The following AQP9 variants were observed in gnomAD, a reference collection of about 807,000 sequenced individuals.
The protein encoded by AQP9 is aquaporin 9, also known as aquaporin-9.
In AQP9, 19 loss-of-function variants were observed where a neutral mutation model predicts 23.8. The observed-to-expected ratio is 0.80, with a 90% CI of 0.56 to 1.17. The LOEUF (loss-of-function observed/expected upper bound fraction) is 1.17. Among genes scored for constraint, AQP9 ranks in the 50% most tolerant of loss-of-function variants. The pLI, the probability that AQP9 is intolerant of heterozygous loss-of-function variation, is 0.00. For synonymous variants in AQP9, 153 were observed against 131.5 expected, an observed-to-expected ratio of 1.16 and a Z score of -1.12; for missense variants, 413 against 362.0, an observed-to-expected ratio of 1.14 and a Z score of -1.14.
intron 1 of AQP9, among the ~76,000 whole-genome samples, chr15:58,147,125 GC>G (rs1177139861): frequency 6.6e-6 from 1 of 152,136 alleles, no homozygotes; most frequent in Non-Finnish European, 1.5e-5. Flanking sequence ...ACTTGATTCT[GC>G]CAAACAGGAT....
At position 58,184,323 on chromosome 15, in the gene AQP9, C is replaced by A. The variant is rs1250963784; in HGVS notation, c.*188C>A. 3 of 560,540 alleles carry A rather than the reference C, an allele frequency of 5.4e-6. No homozygotes were observed. Among genetic ancestry groups the A allele is most frequent in the African/African-American group, 3.8e-5 (2 of 52,212 alleles). 34.7% of individuals were successfully genotyped at this position (560,540 alleles called of 1,614,324 possible). On this transcript the variant is annotated 3_prime_UTR_variant, in exon 6 of 6. Transcript: ENST00000219919. ...ACAATGACCACTTCTCTACCATTGTCCCCCACCCCCACCCCCCAGAATAAC... is the reference window on the plus strand; with the variant it reads ...ACAATGACCACTTCTCTACCATTGTACCCCACCCCCACCCCCCAGAATAAC...
In AQP9 at chr15:58,173,215, G is replaced by C. The variant is rs772870098; in HGVS notation, c.376+10G>C. ...TTTGGCATTTACTATGGTGAGTAAA[G>C]TCCCTGAGTCCTAAGGTTAGGAAGA... On this transcript the variant is annotated intron_variant, in intron 3 of 5. Transcript: ENST00000219919. 6.2e-7 allele frequency: 1 copy of C among 1,614,068 alleles called. No homozygotes were observed. The highest frequency in any genetic ancestry group is 8.5e-7 in the Non-Finnish European group (1 of 1,179,986).
chr15:58,139,744 A>C (rs1897919077), intron 1 of AQP9, among the ~76,000 whole-genome samples: 1 of 152,220 alleles, frequency 6.6e-6, no homozygotes, highest in Non-Finnish European at 1.5e-5. Flanking sequence ...TGGAATGTGA[A>C]GAGAGAGTCA....
chr15:58,164,510 A>G (rs1363358515), intron 1 of AQP9, among the ~76,000 whole-genome samples: 1 of 152,226 alleles, frequency 6.6e-6, no homozygotes, highest in Non-Finnish European at 1.5e-5. Flanking sequence ...TTTTAATTCC[A>G]ACAGTTATTA....
In AQP9 at chr15:58,184,442, T is replaced by C. The variant is rs1898970138; in HGVS notation, c.*307T>C. On this transcript the variant is annotated 3_prime_UTR_variant, in exon 6 of 6. Coordinates refer to ENST00000219919, the MANE Select transcript of AQP9 (RefSeq NM_020980.5). ...AGGTAAGCACTAATAACTCGGCATCTTGACGATAGTCCCATTTGGGTGGTT... is the reference window on the plus strand; with the variant it reads ...AGGTAAGCACTAATAACTCGGCATCCTGACGATAGTCCCATTTGGGTGGTT... 3.8e-6 allele frequency: 1 copy of C among 259,742 alleles called. No homozygotes were observed. The highest frequency in any genetic ancestry group is 2.2e-5 in the African/African-American group (1 of 45,190). 16.1% of individuals were successfully genotyped at this position (259,742 alleles called of 1,614,324 possible).
intron 1 of AQP9, chr15:58,152,585 G>T (rs1037941050): frequency 1.1e-4 from 17 of 152,098 alleles, no homozygotes; most frequent in Admixed American, 7.9e-4. Context: ...TACTGAGAAA[G>T]TATGCAAGAA....
At chr15:58,179,973 G>A (rs975909588) in intron 5 of AQP9, among the ~76,000 whole-genome samples, 48 of 152,200 alleles carry the variant, frequency 3.2e-4, no homozygotes, top group African/African-American at 1.1e-3. Context: ...ACTTGGTTCT[G>A]GAGATATGAG....
chr15:58,175,649 G>A (rs1305093436), intron 4 of AQP9, among the ~76,000 whole-genome samples: 1 of 152,164 alleles, frequency 6.6e-6, no homozygotes, highest in Admixed American at 6.5e-5. Context: ...GTCCCAAGAA[G>A]GCTGCTGGTT....
chr15:58,176,236 G>A (rs1898751034), intron 4 of AQP9, among the ~76,000 whole-genome samples: 1 of 152,180 alleles, frequency 6.6e-6, no homozygotes, highest in African/African-American at 2.4e-5. Context: ...TAATTAGACA[G>A]AGCTGGGCAC....
intron 1 of AQP9, among the ~76,000 whole-genome samples, chr15:58,140,777 C>G (rs146037755): frequency 6.6e-6 from 1 of 151,976 alleles, no homozygotes; most frequent in African/African-American, 2.4e-5. Context: ...GTTTTTTTTC[C>G]GCCAACCTTG....
Position 58,175,771 on chromosome 15 carries a change from T to C in AQP9, c.495+735T>C, listed in dbSNP as rs184241512. On this transcript the variant is annotated intron_variant, in intron 4 of 5. Coordinates refer to ENST00000219919, the MANE Select transcript of AQP9 (RefSeq NM_020980.5). ...GATCAGAATGGGCATGTGTATAAAA[T>C]GGATCTTCCAGTTCATCAGCTATGC... 3.6e-3 allele frequency among the ~76,000 whole-genome samples: 553 copies of C among 152,346 alleles called. 5 individuals are homozygous for C. The highest frequency in any genetic ancestry group is 0.013 in the African/African-American group (527 of 41,582).
intron 2 of AQP9, among the ~76,000 whole-genome samples, chr15:58,167,490 A>G (rs1184463676): frequency 6.6e-6 from 1 of 152,218 alleles, no homozygotes; most frequent in African/African-American, 2.4e-5. Context: ...GAAACCATGC[A>G]TGCTGAGCAC....
At chr15:58,176,944 A>C (rs1472280327) in intron 4 of AQP9, among the ~76,000 whole-genome samples, 1 of 152,108 alleles carries the variant, frequency 6.6e-6, no homozygotes, top group Middle Eastern at 3.2e-3. Flanking sequence ...TCTCAGAGTG[A>C]GTTGGCAATT....
At chr15:58,149,452 A>G (rs1246207993) in intron 1 of AQP9, among the ~76,000 whole-genome samples, 2 of 152,200 alleles carry the variant, frequency 1.3e-5, no homozygotes, top group African/African-American at 4.8e-5. Context: ...GGAATGTGAG[A>G]GCAATTCTTT....
chr15:58,176,029 C>T (rs1279935408), intron 4 of AQP9, among the ~76,000 whole-genome samples: 2 of 152,152 alleles, frequency 1.3e-5, no homozygotes, highest in African/African-American at 4.8e-5. Context: ...CAACTTCCTG[C>T]GTGGCTTCAG....
At position 58,179,155 on chromosome 15, in the gene AQP9, A is replaced by T; in HGVS notation, c.523A>T (p.Ile175Phe). The T allele has an allele frequency of 3.1e-6, 5 of 1,613,504 alleles. No individual in the cohort carries two copies. The highest frequency in any genetic ancestry group is 4.2e-6 in the Non-Finnish European group (5 of 1,179,412). The change falls in exon 5 of 6, where the codon ATC becomes TTC. Residue 175 changes from isoleucine (I) to phenylalanine (F), a missense_variant. Coordinates refer to ENST00000219919, the MANE Select transcript of AQP9 (RefSeq NM_020980.5). ...GGTGGCCACCATGATACTCCTCATA[A>T]TCGTCTTTGCCATCTTTGACTCCAG... ...QVVATMILLI[I>F]VFAIFDSRNL... is the part of the protein sequence containing the mutation.
At chr15:58,141,846 T>C (rs1897957692) in intron 1 of AQP9, among the ~76,000 whole-genome samples, 1 of 152,220 alleles carries the variant, frequency 6.6e-6, no homozygotes, top group Admixed American at 6.5e-5. Flanking sequence ...TATTCTATCT[T>C]AGGGAGCTTT....
intron 1 of AQP9, among the ~76,000 whole-genome samples, chr15:58,142,172 G>C (rs1277367158): frequency 1.3e-5 from 2 of 152,182 alleles, no homozygotes; most frequent in African/African-American, 2.4e-5. Context: ...GAGCAGCACA[G>C]AGTGTTCGCT....
At chr15:58,148,372 A>T (rs1272877730) in intron 1 of AQP9, among the ~76,000 whole-genome samples, 1 of 152,204 alleles carries the variant, frequency 6.6e-6, no homozygotes, top group Non-Finnish European at 1.5e-5. Flanking sequence ...CTTCAGCTCT[A>T]CTTAACCACA....
Sources: allele counts gnomAD v4.1 joint callset (sites outside exome capture counted in the v4.1 genomes callset), GRCh38; gene constraint gnomAD v4.1.1; transcripts MANE v1.5; gene names NCBI Gene and HGNC (gene_info 2026-07-23, HGNC 2026-07-21).